MDGA2: variants seen among roughly 807,000 people sequenced by gnomAD.
MDGA2 encodes the protein MAM domain-containing glycosylphosphatidylinositol anchor protein 2.
A neutral mutation model predicts 117.8 loss-of-function variants in MDGA2; 40 were observed. That is an observed-to-expected ratio of 0.34 (90% CI 0.26 to 0.44). MDGA2 has a LOEUF of 0.44. Ranked by LOEUF, MDGA2 falls within the 20% of genes least tolerant of loss-of-function variation. The pLI, the probability that MDGA2 is intolerant of heterozygous loss-of-function variation, is 1.00. For synonymous variants in MDGA2, 452 were observed against 439.0 expected, an observed-to-expected ratio of 1.03 and a Z score of -0.37; for missense variants, 1,123 against 1,250.6, an observed-to-expected ratio of 0.90 and a Z score of 1.54.
At chr14:47,414,461 A>G (rs1178648883) in intron 1 of MDGA2, among the ~76,000 whole-genome samples, 1 of 152,190 alleles carries the variant, frequency 6.6e-6, no homozygotes, top group Non-Finnish European at 1.5e-5. Context: ...CTATTAATGG[A>G]AAGAATAATA....
At chr14:47,507,312 A>G (rs948048125) in intron 1 of MDGA2, among the ~76,000 whole-genome samples, 7 of 152,274 alleles carry the variant, frequency 4.6e-5, no homozygotes, top group Non-Finnish European at 4.4e-5. Flanking sequence ...AGAATTATGA[A>G]CATGGTTTGT....
At chr14:46,965,636 C>T (rs60317871) in intron 8 of MDGA2, among the ~76,000 whole-genome samples, 1 of 151,960 alleles carries the variant, frequency 6.6e-6, no homozygotes, top group Non-Finnish European at 1.5e-5. Flanking sequence ...ATAGATGGTT[C>T]ATTTTAAGCA....
chr14:46,969,933 C>CAT (rs1157465830), intron 8 of MDGA2, among the ~76,000 whole-genome samples: 466 of 14,642 alleles, frequency 0.032, 8 homozygotes, highest in African/African-American at 0.038. Flanking sequence ...TAAAGTATTC[C>CAT]ATATATATAT....
intron 1 of MDGA2, among the ~76,000 whole-genome samples, chr14:47,379,400 T>G (rs1416569074): frequency 1.3e-5 from 2 of 152,114 alleles, no homozygotes; most frequent in Non-Finnish European, 2.9e-5. Flanking sequence ...GGCTAAATGC[T>G]CCAATTAAAA....
In MDGA2 at chr14:47,119,176, C is replaced by A. The variant is rs1234810133; in HGVS notation, c.925+12538G>T. 9.2e-5 allele frequency among the ~76,000 whole-genome samples: 6 copies of A among 64,872 alleles called. 1 individual carries two copies. Among genetic ancestry groups the A allele is most frequent in the African/African-American group, 2.5e-4 (6 of 23,544 alleles). 42.6% of individuals were successfully genotyped at this position (64,872 alleles called of 152,430 possible). ...CGCCATTCTCCTGCCTCAGCCCCGCCCCCCCCCCCCCACCCCGTAGCTGGG... is the reference window on the plus strand; with the variant it reads ...CGCCATTCTCCTGCCTCAGCCCCGCACCCCCCCCCCCACCCCGTAGCTGGG... On this transcript the variant is annotated intron_variant, in intron 5 of 16. Coordinates refer to ENST00000399232, the MANE Select transcript of MDGA2 (RefSeq NM_001113498.3).
chr14:47,244,008 C>A (rs951517118), intron 2 of MDGA2, among the ~76,000 whole-genome samples: 2 of 151,734 alleles, frequency 1.3e-5, no homozygotes, highest in African/African-American at 4.8e-5. Context: ...ATAATCTATT[C>A]CTACCCCTGA....
intron 3 of MDGA2, among the ~76,000 whole-genome samples, chr14:47,158,541 C>T (rs755056975): frequency 4.1e-4 from 61 of 147,826 alleles, no homozygotes; most frequent in Non-Finnish European, 8.3e-4. Flanking sequence ...AGTGCAGTGG[C>T]GCGATCTCGG....
intron 7 of MDGA2, among the ~76,000 whole-genome samples, chr14:47,047,581 A>C (rs1215961808): frequency 1.3e-5 from 2 of 152,116 alleles, no homozygotes; most frequent in Admixed American, 1.3e-4. Flanking sequence ...CCTACTTCAC[A>C]TTTTTTAACA....
At chr14:47,055,668 A>T (rs1037297797) in intron 7 of MDGA2, among the ~76,000 whole-genome samples, 12 of 152,164 alleles carry the variant, frequency 7.9e-5, no homozygotes, top group African/African-American at 2.4e-4. Flanking sequence ...AATTAATAGG[A>T]TATCAAAAGT....
intron 2 of MDGA2, among the ~76,000 whole-genome samples, chr14:47,229,928 T>C (rs1465824648): frequency 6.6e-6 from 1 of 152,028 alleles, no homozygotes; most frequent in African/African-American, 2.4e-5. Context: ...ATTTGGCACT[T>C]TTACACTTAA....
intron 3 of MDGA2, among the ~76,000 whole-genome samples, chr14:47,155,351 G>A (rs1883324983): frequency 6.6e-6 from 1 of 151,980 alleles, no homozygotes; most frequent in Admixed American, 6.6e-5. Flanking sequence ...CCACATTGCG[G>A]ATGATGAGAA....
At chr14:47,443,619 T>C (rs1893060376) in intron 1 of MDGA2, among the ~76,000 whole-genome samples, 1 of 152,206 alleles carries the variant, frequency 6.6e-6, no homozygotes, top group African/African-American at 2.4e-5. Context: ...GTATTTTGTT[T>C]TTATAATAAA....
chr14:47,309,323 G>A (rs1052115184), intron 1 of MDGA2, among the ~76,000 whole-genome samples: 1 of 152,070 alleles, frequency 6.6e-6, no homozygotes, highest in East Asian at 1.9e-4. Context: ...ACCTCCCACC[G>A]CCATGTTTGG....
intron 5 of MDGA2, among the ~76,000 whole-genome samples, chr14:47,102,750 G>A (rs563612681): frequency 3.4e-4 from 51 of 152,234 alleles, no homozygotes; most frequent in Non-Finnish European, 6.0e-4. Context: ...TCATTAATTG[G>A]GAATTATTCT....
intron 1 of MDGA2, among the ~76,000 whole-genome samples, chr14:47,553,442 CTTG>C (rs1337823780): frequency 3.9e-5 from 6 of 152,070 alleles, no homozygotes; most frequent in African/African-American, 1.4e-4. Context: ...AGATAATTAA[CTTG>C]TTAAGTAATA....
intron 6 of MDGA2, among the ~76,000 whole-genome samples, chr14:47,079,325 C>A (rs555941973): frequency 6.6e-6 from 1 of 152,270 alleles, no homozygotes; most frequent in Admixed American, 6.5e-5. Context: ...TTGATTCTAA[C>A]ATTTTTGTTG....
chr14:46,854,697 T>C (rs1313953909), intron 15 of MDGA2, among the ~76,000 whole-genome samples: 1 of 151,852 alleles, frequency 6.6e-6, no homozygotes, highest in Admixed American at 6.6e-5. Context: ...TCCATTATTA[T>C]AGAAACTTAT....
chr14:47,058,705 AT>A (rs1889770759), intron 7 of MDGA2: 2 of 985,346 alleles, frequency 2.0e-6, no homozygotes, highest in African/African-American at 3.5e-5. Context: ...ATTCCACTCT[AT>A]TGTAAGCAAA....
intron 9 of MDGA2, among the ~76,000 whole-genome samples, chr14:46,935,564 C>T (rs1884749051): frequency 6.6e-6 from 1 of 152,102 alleles, no homozygotes. Context: ...TCTTACAAGC[C>T]CCAAAACCTT....
Sources: gnomAD v4.1 joint callset for allele counts (sites outside exome capture counted in the v4.1 genomes callset) on GRCh38, gnomAD v4.1.1 for gene constraint, MANE v1.5 for transcripts, NCBI Gene and HGNC (gene_info 2026-07-23, HGNC 2026-07-21) for gene names.